LHFPL6: variants seen among roughly 807,000 people sequenced by gnomAD.
LHFPL6 encodes the protein LHFPL tetraspan subfamily member 6 protein.
LHFPL6 carries 9 observed loss-of-function variants against 20.6 expected under a neutral mutation model. The ratio of observed to expected loss-of-function variants is 0.44; its 90% CI spans 0.26 to 0.76. The LOEUF (loss-of-function observed/expected upper bound fraction) is 0.76. LHFPL6 is among the 30% of genes least tolerant of loss of function. The pLI is 0.20. For missense variants in LHFPL6, 218 were observed against 253.5 expected (o/e 0.86, Z 0.95); for synonymous variants, 105 against 98.7 (o/e 1.06, Z -0.38).
chr13:39,600,081 A>G (rs1001517596), intron 2 of LHFPL6, among the ~76,000 whole-genome samples: 3 of 152,246 alleles, frequency 2.0e-5, no homozygotes, highest in Admixed American at 2.0e-4. Context: ...CCATATGACC[A>G]AAGATATTGA....
chr13:39,583,770 G>C (rs1872361512), intron 2 of LHFPL6, among the ~76,000 whole-genome samples: 2 of 152,098 alleles, frequency 1.3e-5, no homozygotes, highest in African/African-American at 4.8e-5. Context: ...CCTCTTCATT[G>C]GCTTTTAATC....
intron 2 of LHFPL6, 74 bp downstream of exon 2, chr13:39,600,755 CAGT>C: frequency 7.4e-7 from 1 of 1,352,578 alleles, no homozygotes; most frequent in South Asian, 2.2e-5. Flanking sequence ...ATAATAATCT[CAGT>C]AGACAACTGA....
At chr13:39,552,678 T>C (rs954884162) in intron 2 of LHFPL6, among the ~76,000 whole-genome samples, 2 of 152,232 alleles carry the variant, frequency 1.3e-5, no homozygotes, top group African/African-American at 4.8e-5. Context: ...AGAGAAGAAC[T>C]GTAGGGACCA....
At chr13:39,534,179 T>C (rs935889424) in intron 2 of LHFPL6, among the ~76,000 whole-genome samples, 2 of 152,330 alleles carry the variant, frequency 1.3e-5, no homozygotes, top group East Asian at 3.9e-4. Flanking sequence ...GAACTACATA[T>C]ATAAATTTAC....
intron 2 of LHFPL6, among the ~76,000 whole-genome samples, chr13:39,574,053 A>G (rs1267326557): frequency 1.3e-5 from 2 of 152,144 alleles, no homozygotes; most frequent in Admixed American, 6.5e-5. Context: ...AATGGGAAGG[A>G]ACAGATTTTG....
At chr13:39,381,541 T>G (rs534335970) in intron 2 of LHFPL6, among the ~76,000 whole-genome samples, 2 of 152,266 alleles carry the variant, frequency 1.3e-5, no homozygotes, top group East Asian at 3.9e-4. Context: ...GCTCTTGCTC[T>G]TGAAACAAAC....
intron 2 of LHFPL6, among the ~76,000 whole-genome samples, chr13:39,512,556 T>C (rs1869752916): frequency 7.0e-6 from 1 of 143,402 alleles, no homozygotes; most frequent in Non-Finnish European, 1.5e-5. Flanking sequence ...GAGCCGAGAT[T>C]GCGCCACTGC....
intron 2 of LHFPL6, among the ~76,000 whole-genome samples, chr13:39,518,807 G>A (rs1870011172): frequency 1.3e-5 from 2 of 152,198 alleles, no homozygotes; most frequent in African/African-American, 4.8e-5. Flanking sequence ...AAACTTCAGA[G>A]ATGAGGCCCA....
chr13:39,572,806 T>G (rs1045396787), intron 2 of LHFPL6, among the ~76,000 whole-genome samples: 4 of 152,224 alleles, frequency 2.6e-5, no homozygotes, highest in Admixed American at 6.5e-5. Flanking sequence ...AAAGCCATCT[T>G]TCTCCTAAGT....
chr13:39,394,994 C>T (rs1449299074), intron 2 of LHFPL6, among the ~76,000 whole-genome samples: 1 of 152,126 alleles, frequency 6.6e-6, no homozygotes, highest in Admixed American at 6.5e-5. Flanking sequence ...GCGTGAGACA[C>T]CGGCTTCCCC....
rs1026943932 is a variant in LHFPL6, at chr13:39,598,079, T to C, written c.385+2753A>G. Among the ~76,000 whole-genome samples, 20 of 152,352 alleles carry C rather than the reference T, an allele frequency of 1.3e-4. 1 individual carries two copies. The highest frequency in any genetic ancestry group is 8.5e-4 in the Admixed American group (13 of 15,312). Reference sequence around the variant, plus strand: ...CAGGAGAATCTGCCTCATAGCAAAGTTCCCTGTATGTTGATTACATTTCTG... The same window carrying C: ...CAGGAGAATCTGCCTCATAGCAAAGCTCCCTGTATGTTGATTACATTTCTG... On this transcript the variant is annotated intron_variant, in intron 2 of 3. Coordinates refer to ENST00000379589, the MANE Select transcript of LHFPL6 (RefSeq NM_005780.3).
intron 2 of LHFPL6, among the ~76,000 whole-genome samples, chr13:39,416,028 GA>G (rs1287304643): frequency 8.5e-5 from 13 of 152,330 alleles, no homozygotes; most frequent in Admixed American, 2.6e-4. Context: ...GTGAAATGAA[GA>G]AATGTCCAAG....
intron 2 of LHFPL6, among the ~76,000 whole-genome samples, chr13:39,493,709 T>C (rs1418658890): frequency 2.6e-5 from 4 of 152,172 alleles, no homozygotes; most frequent in African/African-American, 9.7e-5. Flanking sequence ...TATGAAATGC[T>C]CTATAATAGA....
intron 2 of LHFPL6, among the ~76,000 whole-genome samples, chr13:39,414,095 G>C (rs896244238): frequency 1.3e-5 from 2 of 152,106 alleles, no homozygotes; most frequent in Non-Finnish European, 2.9e-5. Flanking sequence ...TCCAGTGTTT[G>C]ATTGCTCAAA....
At chr13:39,391,972 C>G (rs574565940) in intron 2 of LHFPL6, among the ~76,000 whole-genome samples, 21 of 152,204 alleles carry the variant, frequency 1.4e-4, no homozygotes, top group Non-Finnish European at 2.8e-4. Flanking sequence ...TTTTCTTTCT[C>G]TCTTGAAATG....
chr13:39,583,456 T>C (rs995435177), intron 2 of LHFPL6, among the ~76,000 whole-genome samples: 1 of 152,170 alleles, frequency 6.6e-6, no homozygotes. Flanking sequence ...ATTACAGGTG[T>C]GAGCTACCAC....
chr13:39,590,796 A>T (rs1872570315), intron 2 of LHFPL6, among the ~76,000 whole-genome samples: 1 of 152,238 alleles, frequency 6.6e-6, no homozygotes, highest in Non-Finnish European at 1.5e-5. Flanking sequence ...ATGAATTTAC[A>T]TTCCTCAGTT....
intron 2 of LHFPL6, among the ~76,000 whole-genome samples, chr13:39,382,128 G>T (rs536778482): frequency 6.6e-6 from 1 of 152,274 alleles, no homozygotes; most frequent in East Asian, 1.9e-4. Context: ...GCCACATTTA[G>T]TTCAATTTAA....
At chr13:39,489,519 G>A (rs1018808655) in intron 2 of LHFPL6, among the ~76,000 whole-genome samples, 2 of 150,524 alleles carry the variant, frequency 1.3e-5, no homozygotes, top group Non-Finnish European at 1.5e-5. Flanking sequence ...TGTGTTAAAG[G>A]TATATCAAAG....
Sources: gnomAD v4.1 joint callset for allele counts (sites outside exome capture counted in the v4.1 genomes callset) on GRCh38, gnomAD v4.1.1 for gene constraint, MANE v1.5 for transcripts, NCBI Gene and HGNC (gene_info 2026-07-23, HGNC 2026-07-21) for gene names.